The following RGS6 variants were observed in gnomAD, a reference collection of about 807,000 sequenced individuals.
RGS6 encodes the protein regulator of G-protein signaling 6.
In RGS6, 30 loss-of-function variants were observed where a neutral mutation model predicts 78.5. The observed-to-expected ratio is 0.38, with a 90% confidence interval of 0.29 to 0.52. The LOEUF (loss-of-function observed/expected upper bound fraction) is 0.52, where lower values mean the gene tolerates loss of function less well. Ranked by LOEUF, RGS6 falls within the 20% of genes least tolerant of loss-of-function variation. The probability of loss-of-function intolerance (pLI) is 0.85; values close to 1 mark genes in which losing one functional copy is unlikely to be tolerated. For synonymous variants in RGS6, 206 were observed against 206.0 expected (o/e 1.00, Z 0.00); for missense variants, 495 against 609.7 (o/e 0.81, Z 1.98).
chr14:72,510,847 C>G lies in RGS6; in HGVS notation c.1091+568C>G, dbSNP rs147361812. Among the ~76,000 whole-genome samples, 474 of 152,302 alleles carry G rather than the reference C, an allele frequency of 3.1e-3. 7 individuals carry two copies. Among genetic ancestry groups the G allele is most frequent in the African/African-American group, 0.011 (467 of 41,550 alleles). ...CTGTCGACTCCAAATAGTGGTTACTCTGATCATCTGACGCCAGTGAGAACA... is the reference window on the plus strand; with the variant it reads ...CTGTCGACTCCAAATAGTGGTTACTGTGATCATCTGACGCCAGTGAGAACA... On this transcript the variant is annotated intron_variant, in intron 14 of 17. Transcript: ENST00000553525.
At chr14:72,316,924 T>G (rs2070439349) in intron 2 of RGS6, among the ~76,000 whole-genome samples, 1 of 151,846 alleles carries the variant, frequency 6.6e-6, no homozygotes, top group Non-Finnish European at 1.5e-5. Context: ...TGTGTGTGTG[T>G]GTGTGTGTGT....
rs934035081 is a variant in RGS6, at chr14:72,365,498, G to A, written c.184+13304G>A. 7.9e-5 allele frequency among the ~76,000 whole-genome samples: 12 copies of A among 152,104 alleles called. No individual in the cohort carries two copies. The South Asian group carries it at 1.2e-3, about 16-fold the overall frequency. On this transcript the variant is annotated intron_variant, in intron 3 of 17. Coordinates refer to ENST00000553525, the MANE Select transcript of RGS6 (RefSeq NM_001204424.2). ...TTGTTTACAACCTTCCTAAGGTGTCGATGTCTACCAGTTGGAACAGTGACA... is the reference window on the plus strand; with the variant it reads ...TTGTTTACAACCTTCCTAAGGTGTCAATGTCTACCAGTTGGAACAGTGACA...
At chr14:72,063,897 G>A (rs1175580856) in intron 2 of RGS6, among the ~76,000 whole-genome samples, 1 of 152,054 alleles carries the variant, frequency 6.6e-6, no homozygotes, top group Non-Finnish European at 1.5e-5. Flanking sequence ...AGGAGTAGGA[G>A]TGTAAGTTGG....
At chr14:72,526,850 A>G (rs1236224823) in intron 15 of RGS6, among the ~76,000 whole-genome samples, 5 of 152,228 alleles carry the variant, frequency 3.3e-5, no homozygotes, top group African/African-American at 9.6e-5. Flanking sequence ...TTTGTGATCC[A>G]CTTCAAGTCC....
chr14:72,155,540 G>A (rs1598494535), intron 2 of RGS6, among the ~76,000 whole-genome samples: 1 of 152,188 alleles, frequency 6.6e-6, no homozygotes, highest in Admixed American at 6.5e-5. Context: ...TGTTACCAAA[G>A]TGTCATGAAA....
At chr14:72,036,665 T>A (rs776289386) in intron 2 of RGS6, among the ~76,000 whole-genome samples, 1 of 152,172 alleles carries the variant, frequency 6.6e-6, no homozygotes, top group Non-Finnish European at 1.5e-5. Flanking sequence ...TTTTAAAAAT[T>A]GGACTGCTTG....
intron 3 of RGS6, among the ~76,000 whole-genome samples, chr14:72,374,614 G>T (rs2084247301): frequency 6.6e-6 from 1 of 151,980 alleles, no homozygotes; most frequent in Non-Finnish European, 1.5e-5. Flanking sequence ...ATTAAATACA[G>T]AACAAAAAAA....
intron 3 of RGS6, among the ~76,000 whole-genome samples, chr14:72,373,850 A>C (rs1001106161): frequency 6.6e-6 from 1 of 152,118 alleles, no homozygotes; most frequent in African/African-American, 2.4e-5. Flanking sequence ...GTAAAGATTT[A>C]ATGATGAAAA....
chr14:72,383,875 A>G (rs1006043116), intron 3 of RGS6, among the ~76,000 whole-genome samples: 1 of 152,220 alleles, frequency 6.6e-6, no homozygotes, highest in African/African-American at 2.4e-5. Context: ...TGTTATCACT[A>G]TGCAATTCTA....
chr14:72,362,454 G>T (rs1276934472), intron 3 of RGS6, among the ~76,000 whole-genome samples: 1 of 152,156 alleles, frequency 6.6e-6, no homozygotes, highest in Admixed American at 6.5e-5. Flanking sequence ...CAGTTCTGCT[G>T]GTCTCAGCCA....
intron 17 of RGS6, among the ~76,000 whole-genome samples, chr14:72,548,358 T>C (rs1012394935): frequency 8.2e-5 from 12 of 146,826 alleles, no homozygotes; most frequent in African/African-American, 2.8e-4. Flanking sequence ...CGTGTGTGTG[T>C]GTGTGTGTGT....
intron 3 of RGS6, among the ~76,000 whole-genome samples, chr14:72,389,895 A>C (rs2089455283): frequency 6.6e-6 from 1 of 152,210 alleles, no homozygotes; most frequent in South Asian, 2.1e-4. Context: ...CTATTGAATT[A>C]GTTTTCATAA....
intron 2 of RGS6, among the ~76,000 whole-genome samples, chr14:72,129,413 T>C (rs2096269590): frequency 6.6e-6 from 1 of 152,216 alleles, no homozygotes; most frequent in Non-Finnish European, 1.5e-5. Context: ...AGTGTTGATA[T>C]TTGTTATGAA....
chr14:71,946,800 C>G (rs1320549510), intron 1 of RGS6, among the ~76,000 whole-genome samples: 2 of 152,142 alleles, frequency 1.3e-5, no homozygotes, highest in Admixed American at 6.5e-5. Context: ...ATTTAATACC[C>G]CCCATACAGA....
Position 72,507,983 on chromosome 14 carries a change from G to A in RGS6, c.966-2171G>A, listed in dbSNP as rs1011056480. 2.6e-5 allele frequency among the ~76,000 whole-genome samples: 4 copies of A among 152,334 alleles called. No homozygotes were observed. In the South Asian group the frequency reaches 8.3e-4, roughly 32 times the overall value. On this transcript the variant is annotated intron_variant, in intron 13 of 17. Transcript: ENST00000553525. ...CACAAACAGTATTTTTGGTTCCCTTGAAAGTTATTGAGTTTGATTAGGTCT... is the reference window on the plus strand; with the variant it reads ...CACAAACAGTATTTTTGGTTCCCTTAAAAGTTATTGAGTTTGATTAGGTCT...
chr14:71,982,147 G>C (rs1380695881), intron 2 of RGS6, among the ~76,000 whole-genome samples: 1 of 152,280 alleles, frequency 6.6e-6, no homozygotes, highest in Admixed American at 6.5e-5. Context: ...GCTTCGGCTG[G>C]CGCATGGTGC....
chr14:72,050,122 A>G (rs1044109923), intron 2 of RGS6, among the ~76,000 whole-genome samples: 1 of 152,150 alleles, frequency 6.6e-6, no homozygotes, highest in African/African-American at 2.4e-5. Context: ...TGAAGTCCCA[A>G]TTTAATATGA....
the RGS6 span, among the ~76,000 whole-genome samples, chr14:72,597,054 C>T: frequency 6.6e-6 from 1 of 152,144 alleles, no homozygotes; most frequent in Non-Finnish European, 1.5e-5. Flanking sequence ...GCCTGGCCAA[C>T]ATGGTGAAAC....
At position 72,341,390 on chromosome 14, in the gene RGS6, G is replaced by A. The variant is rs116665308; in HGVS notation, c.85-10705G>A. 2.8e-3 allele frequency among the ~76,000 whole-genome samples: 430 copies of A among 152,284 alleles called. 2 individuals are homozygous for A. Among genetic ancestry groups the A allele is most frequent in the African/African-American group, 9.9e-3 (412 of 41,568 alleles). The stretch of plus-strand genomic sequence containing the variant: ...CCACGAGGCCTCTGCTCTAACACTG[G>A]GGATTACAATTCAACATGAGATTTG... On this transcript the variant is annotated intron_variant, in intron 2 of 17. Transcript: ENST00000553525.
Sources: allele counts gnomAD v4.1 joint callset (sites outside exome capture counted in the v4.1 genomes callset), GRCh38; gene constraint gnomAD v4.1.1; transcripts MANE v1.5; gene names NCBI Gene and HGNC (gene_info 2026-07-23, HGNC 2026-07-21).